Variants in TELO2 observed in about 807,000 individuals in gnomAD.
The protein encoded by TELO2 is telomere maintenance 2, also known as telomere length regulation protein TEL2 homolog.
Under a neutral mutation model 91.0 loss-of-function variants are expected in TELO2, and 71 were observed. That is an observed-to-expected ratio of 0.78 (90% CI 0.64 to 0.95). The LOEUF (loss-of-function observed/expected upper bound fraction) is 0.95. Among genes scored for constraint, TELO2 ranks in the 40% least tolerant of loss-of-function variants. The probability of loss-of-function intolerance (pLI) is 0.00; values close to 1 mark genes in which losing one functional copy is unlikely to be tolerated. For missense variants in TELO2, 1,183 were observed against 1,141.3 expected (o/e 1.04, Z -0.53); for synonymous variants, 584 against 518.9 (o/e 1.13, Z -1.71).
rs1359066126 is a variant in TELO2 at position 1,497,662 on chromosome 16, C to T, written c.830+154C>T. 4.6e-5 allele frequency among the ~76,000 whole-genome samples: 7 copies of T among 152,202 alleles called. 1 individual carries two copies. The highest frequency in any genetic ancestry group is 2.1e-4 in the South Asian group (1 of 4,828). ...GTGTGGGTGGTGCCCTCTCAGTTCC[C>T]GCACGTGCTGATGGTGACCTCTGTA... On this transcript the variant is annotated intron_variant, in intron 5 of 20. Coordinates refer to ENST00000262319, the MANE Select transcript of TELO2 (RefSeq NM_016111.4). The surrounding 1 kb of genome is among the most constrained non-coding windows in gnomAD (Gnocchi z 4.0).
chr16:1,504,023 G>C (rs2039796410), intron 15 of TELO2, among the ~76,000 whole-genome samples: 1 of 151,750 alleles, frequency 6.6e-6, no homozygotes, highest in African/African-American at 2.4e-5. Flanking sequence ...CTACTCTTGA[G>C]GCTGAGGCAG....
chr16:1,500,431 G>C lies in TELO2; in HGVS notation c.1087G>C (p.Ala363Pro). The change falls in exon 8 of 21, where the codon GCT becomes CCT. Residue 363 changes from alanine (A) to proline (P), a missense_variant. By Grantham distance (27) the Ala-to-Pro change is conservative. Coordinates refer to ENST00000262319, the MANE Select transcript of TELO2 (RefSeq NM_016111.4). ...PLPQQRHVSK[A>P]VLICLAQLGE... ...GCCGCAGCAGCGCCACGTCAGCAAG[G>C]CTGTCCTCATCTGCCTGGCGCAACT... The C allele has an allele frequency of 6.2e-7, 1 of 1,608,638 alleles. No homozygotes were observed. Among genetic ancestry groups the C allele is most frequent in the Non-Finnish European group, 8.5e-7 (1 of 1,178,616 alleles).
In TELO2 at chr16:1,505,654, G is replaced by A; in HGVS notation, c.2034+53G>A. 77 of 666,400 alleles carry A rather than the reference G, an allele frequency of 1.2e-4. No individual in the cohort carries two copies. The highest frequency in any genetic ancestry group is 1.8e-4 in the Non-Finnish European group (69 of 378,810). 41.3% of individuals were successfully genotyped at this position (666,400 alleles called of 1,614,324 possible). The stretch of plus-strand genomic sequence containing the variant: ...GGGCATGGGGACCGTGGGTGGGTGG[G>A]AAGGGCGGTCAGACACCTCCAGGCG... On this transcript the variant is annotated intron_variant, in intron 16 of 20. Coordinates refer to ENST00000262319, the MANE Select transcript of TELO2 (RefSeq NM_016111.4). This position sits in a 1 kb window ranked among gnomAD's most constrained non-coding sequence, Gnocchi z 4.3.
intron 20 of TELO2, 152 bp downstream of exon 20, chr16:1,507,868 GTGTGTGTGTGT>G: frequency 2.8e-6 from 1 of 361,734 alleles, no homozygotes; most frequent in East Asian, 6.9e-5. Context: ...GTGTGTGTGT[GTGTGTGTGTGT>G]GTGTGTGTGT....
intron 15 of TELO2, among the ~76,000 whole-genome samples, chr16:1,503,907 G>T (rs1370702272): frequency 6.6e-6 from 1 of 152,128 alleles, no homozygotes; most frequent in Non-Finnish European, 1.5e-5. Context: ...CAAAGTGGGA[G>T]GATTGCTCAA....
At chr16:1,507,478 G>T in intron 19 of TELO2, 108 bp downstream of exon 19, 4 of 1,509,872 alleles carry the variant, frequency 2.6e-6, no homozygotes, top group Non-Finnish European at 3.6e-6. Context: ...GCCTGGCCTG[G>T]TACTTCCCAA....
chr16:1,506,107 C>A, intron 16 of TELO2, 131 bp from the exon 17 acceptor site: 1 of 986,984 alleles, frequency 1.0e-6, no homozygotes, highest in Non-Finnish European at 1.5e-6. Flanking sequence ...CTGGGCGGGG[C>A]CGGAAGAGTA....
chr16:1,503,126 C>T lies in TELO2; in HGVS notation c.1842+124C>T, dbSNP rs530478559. On this transcript the variant is annotated intron_variant, in intron 15 of 20. Coordinates refer to ENST00000262319, the MANE Select transcript of TELO2 (RefSeq NM_016111.4). ...CTCGTGCAGGCCTGTCCACTGCCTT[C>T]GTGAGTGTGTGACCCGGCAGGACTC... is the stretch of plus-strand genomic sequence containing the variant. 283 of 1,067,874 alleles carry T rather than the reference C, an allele frequency of 2.7e-4. No homozygotes were observed. In the African/African-American group the frequency reaches 3.4e-3, roughly 13 times the overall value. 66.1% of individuals were successfully genotyped at this position (1,067,874 alleles called of 1,614,324 possible).
Position 1,497,663 on chromosome 16 carries a change from G to A in TELO2, c.830+155G>A, listed in dbSNP as rs1013615233. On this transcript the variant is annotated intron_variant, in intron 5 of 20. Transcript: ENST00000262319. This position sits in a 1 kb window ranked among gnomAD's most constrained non-coding sequence, Gnocchi z 4.0. ...TGTGGGTGGTGCCCTCTCAGTTCCC[G>A]CACGTGCTGATGGTGACCTCTGTAT... Among the ~76,000 whole-genome samples the A allele has an allele frequency of 5.9e-5, 9 of 152,172 alleles. No individual in the cohort carries two copies. Among genetic ancestry groups the A allele is most frequent in the African/African-American group, 9.7e-5 (4 of 41,442 alleles).
rs957382406 is a variant in TELO2, at chr16:1,495,897, C to T, written c.613+274C>T. Among the ~76,000 whole-genome samples the T allele has an allele frequency of 6.6e-5, 10 of 152,290 alleles. No homozygotes were observed. The South Asian group carries it at 2.1e-3, about 32-fold the overall frequency. On this transcript the variant is annotated intron_variant, in intron 3 of 20. Coordinates refer to ENST00000262319, the MANE Select transcript of TELO2 (RefSeq NM_016111.4). ...GCTGTGGTGGCCAGGTGGGGGATCT[C>T]GAGGTTCTCAGGTCTGGAGGCAGAC...
In TELO2 at chr16:1,497,023, C is replaced by A. The variant is rs912114456; in HGVS notation, c.614-13C>A. ...CCGCCGGCTTCCTCATCAGGCCTCC[C>A]TTTCTGTCCCAGGTGGCCTGGATTC... On this transcript the variant is annotated splice_polypyrimidine_tract_variant and intron_variant, in intron 3 of 20. Coordinates refer to ENST00000262319, the MANE Select transcript of TELO2 (RefSeq NM_016111.4). This position sits in a 1 kb window ranked among gnomAD's most constrained non-coding sequence, Gnocchi z 4.0. The A allele has an allele frequency of 1.2e-6, 2 of 1,613,566 alleles. No homozygotes were observed. Among genetic ancestry groups the A allele is most frequent in the African/African-American group, 2.7e-5 (2 of 74,900 alleles).
chr16:1,507,868 GTGTGTGTGT>G lies in TELO2; in HGVS notation c.2407+153_2407+161del, dbSNP rs1567307963. 8.3e-6 allele frequency: 3 copies of G among 361,550 alleles called. No individual in the cohort carries two copies. In the African/African-American group the frequency reaches 1.4e-4, roughly 17 times the overall value. The allele number at this position is 361,550 out of a possible 1,614,324, so 22.4% of individuals were successfully genotyped here. A position where few individuals can be genotyped will look rare whatever the true frequency, so the allele number is the denominator to read the frequency against. ...GCCCGGGGTGTGTGTGTGTGTGTGT[GTGTGTGTGT>G]GTGTGTGTGTGTGTGTGATGTGTGT... On this transcript the variant is annotated intron_variant, in intron 20 of 20. Coordinates refer to ENST00000262319, the MANE Select transcript of TELO2 (RefSeq NM_016111.4).
rs60402198 is a variant in TELO2, at chr16:1,510,138, G to T, written c.*202G>T. 11 of 573,314 alleles carry T rather than the reference G, an allele frequency of 1.9e-5. No individual in the cohort carries two copies. Among genetic ancestry groups the T allele is most frequent in the Non-Finnish European group, 3.4e-5 (11 of 321,854 alleles). 35.5% of individuals were successfully genotyped at this position (573,314 alleles called of 1,614,324 possible). Reference sequence around the variant, plus strand: ...TAAAAATACACTGGGCCTGGGCACTGCCCGCCGGGACATGGCAGCCTGGAC... The same window carrying T: ...TAAAAATACACTGGGCCTGGGCACTTCCCGCCGGGACATGGCAGCCTGGAC... On this transcript the variant is annotated 3_prime_UTR_variant, in exon 21 of 21. Transcript: ENST00000262319.
In TELO2 at chr16:1,505,586, C is replaced by A. The variant is rs779088462; in HGVS notation, c.2019C>A (p.Thr673=). Residue 673 remains threonine (T), a synonymous_variant, in exon 16 of 21, where the codon ACC becomes ACA. Coordinates refer to ENST00000262319, the MANE Select transcript of TELO2 (RefSeq NM_016111.4). The surrounding 1 kb of genome is among the most constrained non-coding windows in gnomAD (Gnocchi z 4.3). ...TGGAGGAGCGGATCAGAAGCAAGAC[C>A]CAGCGGCTCTCCAAGGTTAGTGGCG... is the stretch of plus-strand genomic sequence containing the variant. ...VVVEERIRSK[T]QRLSKGGPRQ... The A allele has an allele frequency of 1.9e-5, 31 of 1,612,252 alleles. No homozygotes were observed. The highest frequency in any genetic ancestry group is 2.5e-5 in the Non-Finnish European group (30 of 1,179,844).
chr16:1,506,788 T>G (rs2039908618), intron 17 of TELO2, 164 bp from the exon 18 acceptor site: 2 of 1,407,254 alleles, frequency 1.4e-6, no homozygotes, highest in East Asian at 2.6e-5. Context: ...GCAGGGGGAG[T>G]AGGCACCCGG....
chr16:1,499,025 G>A (rs1160812333), intron 5 of TELO2, among the ~76,000 whole-genome samples: 1 of 152,264 alleles, frequency 6.6e-6, no homozygotes, highest in Non-Finnish European at 1.5e-5. Flanking sequence ...TGCGGTGCAC[G>A]CGCTCTCTGG....
rs749498169 is a variant in TELO2, at chr16:1,497,485, C to T, written c.807C>T (p.Thr269=). The part of the protein sequence containing the change: ...VPDRAMEAVL[T]GLVEAALGPE... Reference sequence around the variant, plus strand: ...ACCGGGCCATGGAGGCTGTGCTGACCGGGCTGGTGGAGGCCGCACTGGGGT... The same window carrying T: ...ACCGGGCCATGGAGGCTGTGCTGACTGGGCTGGTGGAGGCCGCACTGGGGT... The change falls in exon 5 of 21, where the codon ACC becomes ACT. Residue 269 remains threonine (T), a synonymous_variant. Coordinates refer to ENST00000262319, the MANE Select transcript of TELO2 (RefSeq NM_016111.4). This position sits in a 1 kb window ranked among gnomAD's most constrained non-coding sequence, Gnocchi z 4.0. 185 of 1,573,050 alleles carry T rather than the reference C, an allele frequency of 1.2e-4. No homozygotes were observed. The highest frequency in any genetic ancestry group is 1.7e-4 in the South Asian group (15 of 85,960).
chr16:1,505,548 T>C lies in TELO2; in HGVS notation c.1981T>C (p.Trp661Arg). Reference protein sequence around the residue: ...SQPGSAVASDWRVVVEERIRS... With the variant: ...SQPGSAVASDRRVVVEERIRS... ...GCCTGGCAGTGCCGTGGCGTCTGAC[T>C]GGCGGGTGGTGGTGGAGGAGCGGAT... Residue 661 changes from tryptophan (W) to arginine (R), a missense_variant, in exon 16 of 21, where the codon TGG (tryptophan) becomes CGG (arginine). Physicochemically the swap from Trp to Arg is moderately radical, Grantham distance 101 (BLOSUM62 -3). Transcript: ENST00000262319. This position sits in a 1 kb window ranked among gnomAD's most constrained non-coding sequence, Gnocchi z 4.3. 2 of 1,589,470 alleles carry C rather than the reference T, an allele frequency of 1.3e-6. No individual in the cohort carries two copies. The highest frequency in any genetic ancestry group is 1.7e-6 in the Non-Finnish European group (2 of 1,164,924).
At position 1,505,798 on chromosome 16, in the gene TELO2, T is replaced by TG. The variant is rs1360403541; in HGVS notation, c.2034+200dup. Reference sequence around the variant, plus strand: ...GATTTTGGCTGTAGGAGACCCAGACTGGGCTTGGGGACATGATAAGTGACA... The same window carrying TG: ...GATTTTGGCTGTAGGAGACCCAGACTGGGGCTTGGGGACATGATAAGTGACA... On this transcript the variant is annotated intron_variant, in intron 16 of 20. Transcript: ENST00000262319. This position sits in a 1 kb window ranked among gnomAD's most constrained non-coding sequence, Gnocchi z 4.3. Among the ~76,000 whole-genome samples the TG allele has an allele frequency of 6.6e-6, 1 of 152,216 alleles. No homozygotes were observed. Among genetic ancestry groups the TG allele is most frequent in the Non-Finnish European group, 1.5e-5 (1 of 68,034 alleles).
Sources: allele counts gnomAD v4.1 joint callset (sites outside exome capture counted in the v4.1 genomes callset), GRCh38; gene constraint gnomAD v4.1.1; non-coding constraint Gnocchi (gnomAD v3.1); transcripts MANE v1.5; gene names NCBI Gene and HGNC (gene_info 2026-07-23, HGNC 2026-07-21).